SEMA3A: variants seen among roughly 807,000 people sequenced by gnomAD.
The protein encoded by SEMA3A is semaphorin 3A, also known as semaphorin-3A.
In SEMA3A, 29 loss-of-function variants were observed where a neutral mutation model predicts 97.9. The ratio of observed to expected loss-of-function variants is 0.30; its 90% CI spans 0.22 to 0.40. The LOEUF is 0.40. SEMA3A is among the 10% of genes least tolerant of loss of function. The pLI is 1.00. For missense variants in SEMA3A, 763 were observed against 951.3 expected (o/e 0.80, Z 2.60); for synonymous variants, 321 against 323.7 (o/e 0.99, Z 0.09).
At chr7:84,100,422 A>G (rs940581710) in intron 4 of SEMA3A, among the ~76,000 whole-genome samples, 1 of 152,188 alleles carries the variant, frequency 6.6e-6, no homozygotes, top group Non-Finnish European at 1.5e-5. Flanking sequence ...TTACAAAACA[A>G]TCATGAAAAA....
At chr7:84,283,850 T>C (rs1800515822) in intron 3 of SEMA3A, among the ~76,000 whole-genome samples, 1 of 152,160 alleles carries the variant, frequency 6.6e-6, no homozygotes, top group Admixed American at 6.6e-5. Flanking sequence ...AAAATGCCAC[T>C]TTCTTTCATT....
chr7:84,246,937 A>G (rs909961039), intron 3 of SEMA3A, among the ~76,000 whole-genome samples: 1 of 152,194 alleles, frequency 6.6e-6, no homozygotes, highest in Non-Finnish European at 1.5e-5. Flanking sequence ...TATAATTATT[A>G]CAAAATGATA....
chr7:83,972,046 T>C (rs1010429906), intron 15 of SEMA3A, among the ~76,000 whole-genome samples: 4 of 151,662 alleles, frequency 2.6e-5, no homozygotes, highest in African/African-American at 7.3e-5. Context: ...TGGATGTATA[T>C]ATATACACAC....
intron 5 of SEMA3A, among the ~76,000 whole-genome samples, chr7:84,052,998 C>T (rs766559586): frequency 5.3e-4 from 80 of 150,436 alleles, no homozygotes; most frequent in East Asian, 1.6e-3. Flanking sequence ...AGCAGGTTGT[C>T]CAGTTTCCAT....
chr7:84,287,915 A>ATTAT (rs1452783587), intron 3 of SEMA3A, among the ~76,000 whole-genome samples: 1 of 152,200 alleles, frequency 6.6e-6, no homozygotes, highest in Admixed American at 6.6e-5. Flanking sequence ...TAATAATAAC[A>ATTAT]GGTTTCAATG....
At chr7:84,031,670 C>T (rs1019982745) in intron 6 of SEMA3A, among the ~76,000 whole-genome samples, 8 of 151,858 alleles carry the variant, frequency 5.3e-5, no homozygotes, top group African/African-American at 1.7e-4. Flanking sequence ...CCCGTCTCTA[C>T]TAAAAATACA....
chr7:84,478,738 C>T (rs900723812), intron 1 of SEMA3A, among the ~76,000 whole-genome samples: 1 of 151,616 alleles, frequency 6.6e-6, no homozygotes, highest in Non-Finnish European at 1.5e-5. Context: ...TATTCTTTTT[C>T]TCTGTTATAA....
At chr7:84,182,974 C>T (rs1322510434) in intron 1 of SEMA3A, among the ~76,000 whole-genome samples, 1 of 152,046 alleles carries the variant, frequency 6.6e-6, no homozygotes, top group Non-Finnish European at 1.5e-5. Flanking sequence ...AATATAATCT[C>T]CAAAGCAAGT....
At chr7:83,985,380 A>C (rs1789583268) in intron 13 of SEMA3A, 56 bp downstream of exon 13, 8 of 1,262,210 alleles carry the variant, frequency 6.3e-6, no homozygotes, top group Non-Finnish European at 9.1e-6. Flanking sequence ...ATATCTATTG[A>C]AACACCAGAA....
chr7:84,080,024 T>TA (rs1422119303), intron 4 of SEMA3A, among the ~76,000 whole-genome samples: 1 of 144,232 alleles, frequency 6.9e-6, no homozygotes, highest in Non-Finnish European at 1.5e-5. Context: ...TATGCAGCCA[T>TA]AAAAAATGAT....
chr7:84,233,602 G>T (rs1404329971), intron 3 of SEMA3A, among the ~76,000 whole-genome samples: 1 of 151,926 alleles, frequency 6.6e-6, no homozygotes, highest in Non-Finnish European at 1.5e-5. Context: ...TAATAGAAAA[G>T]TGAGTCAACA....
At chr7:84,000,369 T>C (rs1790391759) in intron 12 of SEMA3A, among the ~76,000 whole-genome samples, 1 of 152,156 alleles carries the variant, frequency 6.6e-6, no homozygotes, top group African/African-American at 2.4e-5. Flanking sequence ...CTAATGTGCC[T>C]GATTTTAAAA....
At chr7:84,156,574 T>C (rs954737815) in intron 1 of SEMA3A, among the ~76,000 whole-genome samples, 1 of 152,160 alleles carries the variant, frequency 6.6e-6, no homozygotes, top group African/African-American at 2.4e-5. Flanking sequence ...GAAGAAATTA[T>C]TTGTAAAATA....
At chr7:84,459,297 T>G (rs1284623113) in intron 1 of SEMA3A, among the ~76,000 whole-genome samples, 3 of 152,178 alleles carry the variant, frequency 2.0e-5, no homozygotes, top group Non-Finnish European at 2.9e-5. Flanking sequence ...TACTGAAATA[T>G]TAAAAGTAAA....
At chr7:84,047,731 T>C (rs766958917) in intron 5 of SEMA3A, among the ~76,000 whole-genome samples, 1 of 152,084 alleles carries the variant, frequency 6.6e-6, no homozygotes, top group Non-Finnish European at 1.5e-5. Flanking sequence ...GGTTAATGTT[T>C]ATTTGTTGAT....
At chr7:84,381,141 C>T (rs6947440) in intron 1 of SEMA3A, among the ~76,000 whole-genome samples, 42,289 of 151,900 alleles carry the variant, frequency 0.28, 8,070 homozygotes, top group East Asian at 0.79. Flanking sequence ...TATTTTAAAA[C>T]ATTGCCCTTT....
chr7:84,114,783 T>C (rs1018025848), intron 3 of SEMA3A, among the ~76,000 whole-genome samples: 1 of 152,118 alleles, frequency 6.6e-6, no homozygotes, highest in Admixed American at 6.6e-5. Flanking sequence ...TTTTTTTTCT[T>C]TTAACATTGT....
intron 9 of SEMA3A, among the ~76,000 whole-genome samples, chr7:84,008,854 A>G (rs1267046579): frequency 1.3e-5 from 2 of 152,168 alleles, no homozygotes; most frequent in African/African-American, 2.4e-5. Flanking sequence ...TAACATTTTC[A>G]TAGCAGAACA....
rs867241626 is a variant in SEMA3A, at chr7:84,114,355, G to A, written c.334-3766C>T. Among the ~76,000 whole-genome samples, 15 of 152,216 alleles carry A rather than the reference G, an allele frequency of 9.9e-5. No individual in the cohort carries two copies. In the Middle Eastern group the frequency reaches 0.01, roughly 104 times the overall value. ...CTCTATTCAAATATATTCAGTTCAT[G>A]ATTAAATCAAACAACTTGTTCTGGC... On this transcript the variant is annotated intron_variant, in intron 3 of 16. Coordinates refer to ENST00000265362, the MANE Select transcript of SEMA3A (RefSeq NM_006080.3).
Sources: gnomAD v4.1 joint callset for allele counts (sites outside exome capture counted in the v4.1 genomes callset) on GRCh38, gnomAD v4.1.1 for gene constraint, MANE v1.5 for transcripts, NCBI Gene and HGNC (gene_info 2026-07-23, HGNC 2026-07-21) for gene names.